ZNF385D: variants seen among roughly 807,000 people sequenced by gnomAD.
ZNF385D encodes zinc finger protein 385D.
A neutral mutation model predicts 35.8 loss-of-function variants in ZNF385D; 15 were observed. The observed-to-expected ratio is 0.42, with a 90% CI of 0.28 to 0.64. The LOEUF (loss-of-function observed/expected upper bound fraction) is 0.64, where lower values mean the gene tolerates loss of function less well. Ranked by LOEUF, ZNF385D falls within the 30% of genes least tolerant of loss-of-function variation. The pLI is 0.23. For missense variants in ZNF385D, 474 were observed against 494.6 expected (o/e 0.96, Z 0.39); for synonymous variants, 212 against 186.8 (o/e 1.13, Z -1.10).
At chr3:22,334,956 G>A (rs920745813) in intron 2 of ZNF385D, among the ~76,000 whole-genome samples, 2 of 151,918 alleles carry the variant, frequency 1.3e-5, no homozygotes, top group African/African-American at 4.8e-5. Context: ...TTTTCATAAT[G>A]AGAATATTCC....
chr3:22,036,759 C>T (rs1426835397), intron 3 of ZNF385D, among the ~76,000 whole-genome samples: 3 of 148,578 alleles, frequency 2.0e-5, no homozygotes, highest in Admixed American at 6.7e-5. Flanking sequence ...ATGTGCACAA[C>T]GTGCAAGTTT....
chr3:21,912,684 C>T (rs1223188507), intron 3 of ZNF385D, among the ~76,000 whole-genome samples: 1 of 152,012 alleles, frequency 6.6e-6, no homozygotes, highest in Non-Finnish European at 1.5e-5. Flanking sequence ...CTTTCCCCAT[C>T]CTTTTGAAAT....
intron 3 of ZNF385D, among the ~76,000 whole-genome samples, chr3:22,100,749 G>T (rs1455523777): frequency 6.6e-6 from 1 of 151,180 alleles, no homozygotes; most frequent in African/African-American, 2.4e-5. Context: ...CGAGTTAGTG[G>T]GTGTAGCGCA....
chr3:21,802,065 C>G (rs2072432041), intron 3 of ZNF385D, among the ~76,000 whole-genome samples: 2 of 152,102 alleles, frequency 1.3e-5, no homozygotes, highest in Admixed American at 1.3e-4. Flanking sequence ...AACTACATCT[C>G]ACAGTGGACA....
At chr3:21,456,359 G>C (rs1038569986) in intron 4 of ZNF385D, among the ~76,000 whole-genome samples, 31 of 152,168 alleles carry the variant, frequency 2.0e-4, no homozygotes. Flanking sequence ...ATGATAGACT[G>C]GGTTAAGAAA....
intron 3 of ZNF385D, among the ~76,000 whole-genome samples, chr3:22,145,036 G>GTGTC (rs1487289035): frequency 1.4e-4 from 21 of 151,782 alleles, no homozygotes; most frequent in Middle Eastern, 3.4e-3. Flanking sequence ...GTGTGTGTGT[G>GTGTC]TGTAGTCACA....
chr3:21,813,292 T>C (rs1472655484), intron 3 of ZNF385D, among the ~76,000 whole-genome samples: 1 of 152,126 alleles, frequency 6.6e-6, no homozygotes, highest in African/African-American at 2.4e-5. Flanking sequence ...GCACCTCTTC[T>C]CCTCTAAAGG....
At chr3:21,967,312 G>C (rs1375204384) in intron 3 of ZNF385D, among the ~76,000 whole-genome samples, 2 of 152,030 alleles carry the variant, frequency 1.3e-5, no homozygotes, top group Non-Finnish European at 2.9e-5. Flanking sequence ...AAAATTTACT[G>C]TCTTATATGT....
rs117430443 is a variant in ZNF385D, at chr3:22,185,455, C to T, written c.107-16420G>A. Among the ~76,000 whole-genome samples, 51 of 152,158 alleles carry T rather than the reference C, an allele frequency of 3.4e-4. No individual in the cohort carries two copies. The East Asian group carries it at 9.5e-3, about 28-fold the overall frequency. ...AATAATACATGTATTTAAATATGAT[C>T]TACCCATTCAATGTTCACTTTTTCT... On this transcript the variant is annotated intron_variant, in intron 2 of 5. Coordinates refer to the ZNF385D transcript ENST00000494108.
chr3:22,291,346 C>T (rs1285999959), intron 2 of ZNF385D, among the ~76,000 whole-genome samples: 4 of 152,054 alleles, frequency 2.6e-5, no homozygotes. Context: ...CCATTTTCTG[C>T]CCCTATGAGT....
intron 3 of ZNF385D, among the ~76,000 whole-genome samples, chr3:22,151,022 A>G (rs1705194365): frequency 6.6e-6 from 1 of 152,208 alleles, no homozygotes; most frequent in Admixed American, 6.5e-5. Flanking sequence ...GCTGTGAATT[A>G]CGAAATAAAA....
intron 3 of ZNF385D, among the ~76,000 whole-genome samples, chr3:22,032,462 G>T (rs1046890607): frequency 6.6e-5 from 10 of 152,134 alleles, no homozygotes; most frequent in Non-Finnish European, 1.5e-4. Context: ...AGGAAACTAT[G>T]CCCATGATCT....
At chr3:22,030,256 C>CATAGATATAT (rs1697856232) in intron 3 of ZNF385D, among the ~76,000 whole-genome samples, 1 of 21,730 alleles carries the variant, frequency 4.6e-5, no homozygotes, top group Non-Finnish European at 9.0e-5. Flanking sequence ...TAAACTCATT[C>CATAGATATAT]ATATATATAT....
rs144788554 is a variant in ZNF385D, at chr3:21,728,125, C to T, written c.22+22770G>A. Among the ~76,000 whole-genome samples the T allele has an allele frequency of 1.6e-4, 25 of 152,006 alleles. No homozygotes were observed. In the South Asian group the frequency reaches 3.1e-3, roughly 19 times the overall value. On this transcript the variant is annotated intron_variant, in intron 1 of 7. Transcript: ENST00000281523. The stretch of plus-strand genomic sequence containing the variant: ...CACAGGGAGTGAACATCACACATCG[C>T]GGCCTGTCGGGTGGTGGAGGGCTAG...
rs1159950305 is a variant in ZNF385D, at chr3:21,663,915, A to ATATATATATATT, written c.165+970_165+971insAATATATATATA. Among the ~76,000 whole-genome samples, 95 of 105,854 alleles carry ATATATATATATT rather than the reference A, an allele frequency of 9.0e-4. 1 individual carries two copies. The highest frequency in any genetic ancestry group is 3.3e-3 in the African/African-American group (87 of 26,588). The allele number at this position is 105,854 out of a possible 152,430, so 69.4% of individuals were successfully genotyped here. A position where few individuals can be genotyped will look rare whatever the true frequency, so the allele number is the denominator to read the frequency against. ...AATATATATATATATATATATATAT[A>ATATATATATATT]TATTTATTTATTTAAATCCATCATG... On this transcript the variant is annotated intron_variant, in intron 2 of 7. Coordinates refer to ENST00000281523, the MANE Select transcript of ZNF385D (RefSeq NM_024697.3).
intron 3 of ZNF385D, among the ~76,000 whole-genome samples, chr3:22,098,338 A>C (rs1045250469): frequency 6.6e-6 from 1 of 152,076 alleles, no homozygotes; most frequent in African/African-American, 2.4e-5. Context: ...AAATTCAAGA[A>C]CTTTAAGTGT....
intron 3 of ZNF385D, among the ~76,000 whole-genome samples, chr3:21,974,229 T>C (rs183215609): frequency 1.2e-4 from 18 of 152,114 alleles, no homozygotes; most frequent in Admixed American, 7.9e-4. Context: ...AACAGACATA[T>C]AGACCAGTGG....
chr3:21,800,376 A>T (rs1306105921), intron 3 of ZNF385D, among the ~76,000 whole-genome samples: 1 of 152,202 alleles, frequency 6.6e-6, no homozygotes, highest in Non-Finnish European at 1.5e-5. Context: ...CCAATCCATT[A>T]ACATGGAATT....
chr3:21,744,265 A>G (rs2069657397), intron 1 of ZNF385D, among the ~76,000 whole-genome samples: 1 of 152,234 alleles, frequency 6.6e-6, no homozygotes, highest in Non-Finnish European at 1.5e-5. Flanking sequence ...GAAAAATACA[A>G]ATTGCTATAC....
Sources: allele counts gnomAD v4.1 joint callset (sites outside exome capture counted in the v4.1 genomes callset), GRCh38; gene constraint gnomAD v4.1.1; transcripts MANE v1.5; gene names NCBI Gene and HGNC (gene_info 2026-07-23, HGNC 2026-07-21).